Variants in CD99 observed in about 807,000 individuals in gnomAD.
CD99 encodes the protein CD99 antigen.
A neutral mutation model predicts 28.4 loss-of-function variants in CD99; 19 were observed. The observed-to-expected ratio is 0.67, with a 90% confidence interval of 0.47 to 0.98. CD99 has a LOEUF of 0.98. CD99 is among the 50% of genes least tolerant of loss of function. CD99 has a pLI of 0.00. For missense variants in CD99, 283 were observed against 248.8 expected (o/e 1.14, Z -0.92); for synonymous variants, 103 against 92.1 (o/e 1.12, Z -0.67).
At chrX:2,717,905 G>T (rs189833710) in intron 3 of CD99, 1 of 515,158 alleles carries the variant, frequency 1.9e-6, no homozygotes, top group Non-Finnish European at 3.5e-6. Flanking sequence ...TATTCTAAGG[G>T]TCTGAGTTAC....
chrX:2,732,299 C>G (rs1295207270), intron 8 of CD99, among the ~76,000 whole-genome samples: 2 of 152,118 alleles, frequency 1.3e-5, no homozygotes, highest in African/African-American at 4.8e-5. Flanking sequence ...CCACAGAGCC[C>G]AGCTTCCGTG....
chrX:2,733,474 C>G lies in CD99; in HGVS notation c.476-4726C>G, dbSNP rs1015720726. ...AAGCAAACCCTTCCATCTGCCGCTCCCCTCGCCCTGCTGGCAAATTCCCAC... is the reference window on the plus strand; with the variant it reads ...AAGCAAACCCTTCCATCTGCCGCTCGCCTCGCCCTGCTGGCAAATTCCCAC... On this transcript the variant is annotated intron_variant, in intron 8 of 9. Coordinates refer to ENST00000381192, the MANE Select transcript of CD99 (RefSeq NM_002414.5). 4.6e-6 allele frequency: 6 copies of G among 1,290,574 alleles called. No individual in the cohort carries two copies. In the African/African-American group the frequency reaches 8.9e-5, roughly 19 times the overall value. The allele number at this position is 1,290,574 out of a possible 1,614,324, so 79.9% of individuals were successfully genotyped here.
chrX:2,738,740 C>G (rs1225453553), intron 9 of CD99, among the ~76,000 whole-genome samples: 1 of 150,894 alleles, frequency 6.6e-6, no homozygotes, highest in East Asian at 2.0e-4. Context: ...AAAAAAAGTT[C>G]CAAGTGGCAC....
intron 5 of CD99, among the ~76,000 whole-genome samples, chrX:2,721,378 C>T (rs1276419244): frequency 6.6e-6 from 1 of 152,016 alleles, no homozygotes; most frequent in Non-Finnish European, 1.5e-5. Flanking sequence ...ATACCACAGC[C>T]TCCAACTCCT....
chrX:2,702,572 G>A (rs2047909799), intron 1 of CD99, among the ~76,000 whole-genome samples: 1 of 152,050 alleles, frequency 6.6e-6, no homozygotes, highest in South Asian at 2.1e-4. Context: ...AATATTCCTG[G>A]CATTTAATTT....
At chrX:2,702,102 T>G (rs1458871623) in intron 1 of CD99, among the ~76,000 whole-genome samples, 1 of 152,204 alleles carries the variant, frequency 6.6e-6, no homozygotes, top group African/African-American at 2.4e-5. Flanking sequence ...CTCCTTAAAC[T>G]GTAATGTGCT....
At chrX:2,735,632 C>T (rs1863152662) in intron 8 of CD99, among the ~76,000 whole-genome samples, 1 of 152,182 alleles carries the variant, frequency 6.6e-6, no homozygotes, top group African/African-American at 2.4e-5. Flanking sequence ...TATTTGTCCT[C>T]TGAAATGAAT....
intron 1 of CD99, among the ~76,000 whole-genome samples, chrX:2,711,037 AT>A (rs1252927642): frequency 6.7e-6 from 1 of 149,564 alleles, no homozygotes. Flanking sequence ...CGCCTGGCCA[AT>A]TTTTTTGTAT....
chrX:2,703,925 A>G (rs1380759977), intron 1 of CD99, among the ~76,000 whole-genome samples: 1 of 152,058 alleles, frequency 6.6e-6, no homozygotes, highest in African/African-American at 2.4e-5. Flanking sequence ...AAGGGGTGAC[A>G]GGGACGGAGA....
At chrX:2,694,411 C>T (rs1345643862) in intron 1 of CD99, among the ~76,000 whole-genome samples, 1 of 151,996 alleles carries the variant, frequency 6.6e-6, no homozygotes, top group Non-Finnish European at 1.5e-5. Context: ...CTTGATTTTC[C>T]ATCAGCGCGT....
At chrX:2,708,975 G>A (rs936957278) in intron 1 of CD99, among the ~76,000 whole-genome samples, 5 of 152,160 alleles carry the variant, frequency 3.3e-5, no homozygotes, top group Non-Finnish European at 5.9e-5. Flanking sequence ...CCAGAGCATC[G>A]TCACTGTGGC....
At chrX:2,698,143 T>C (rs2047662406) in intron 1 of CD99, among the ~76,000 whole-genome samples, 1 of 151,458 alleles carries the variant, frequency 6.6e-6, no homozygotes, top group Non-Finnish European at 1.5e-5. Context: ...ATCATAAACA[T>C]ATCACCGGGC....
At chrX:2,729,267 T>G (rs2049465662) in intron 8 of CD99, among the ~76,000 whole-genome samples, 1 of 152,252 alleles carries the variant, frequency 6.6e-6, no homozygotes, top group African/African-American at 2.4e-5. Flanking sequence ...TTTATTACCT[T>G]GTGCGTGCAG....
chrX:2,737,932 C>A (rs906682632), intron 8 of CD99: 1 of 675,846 alleles, frequency 1.5e-6, no homozygotes, highest in African/African-American at 1.8e-5. Context: ...GAAAGCAACC[C>A]TTAAAATAGA....
intron 5 of CD99, among the ~76,000 whole-genome samples, 187 bp from the exon 6 acceptor site, chrX:2,722,440 C>A (rs1292676878): frequency 6.6e-6 from 1 of 152,164 alleles, no homozygotes; most frequent in Non-Finnish European, 1.5e-5. Context: ...CCTGCCTCAG[C>A]CTCCCGAGTA....
chrX:2,691,552 G>A, intron 1 of CD99, 125 bp downstream of exon 1: 3 of 1,104,978 alleles, frequency 2.7e-6, no homozygotes, highest in Non-Finnish European at 2.7e-6. Flanking sequence ...CTGCCCGGCA[G>A]GACGCGCTGT....
rs1484302549 is a variant in CD99 at position 2,719,649 on chromosome X, C to T, written c.149-12C>T. On this transcript the variant is annotated splice_polypyrimidine_tract_variant and intron_variant, in intron 3 of 9. Transcript: ENST00000381192. Reference sequence around the variant, plus strand: ...TGGAATTTGGTATTAACTGCTCTTTCCCCTCTTTTAGGGGATGACTTTGAC... The same window carrying T: ...TGGAATTTGGTATTAACTGCTCTTTTCCCTCTTTTAGGGGATGACTTTGAC... 6.2e-7 allele frequency: 1 copy of T among 1,613,564 alleles called. No homozygotes were observed. The highest frequency in any genetic ancestry group is 1.7e-5 in the Admixed American group (1 of 60,014).
At chrX:2,714,615 C>T (rs760303620) in intron 2 of CD99, 161 bp downstream of exon 2, 18 of 594,004 alleles carry the variant, frequency 3.0e-5, no homozygotes, top group African/African-American at 2.7e-4. Flanking sequence ...TATGTTTACT[C>T]TCAACTGTAG....
intron 8 of CD99, among the ~76,000 whole-genome samples, chrX:2,732,484 C>T (rs952078217): frequency 5.3e-5 from 8 of 151,470 alleles, no homozygotes; most frequent in Non-Finnish European, 1.2e-4. Context: ...TCCTTCCCTC[C>T]TCCTTTCTTT....
Sources: allele counts gnomAD v4.1 joint callset (sites outside exome capture counted in the v4.1 genomes callset), GRCh38; gene constraint gnomAD v4.1.1; transcripts MANE v1.5; gene names NCBI Gene and HGNC (gene_info 2026-07-23, HGNC 2026-07-21).